The following CNTNAP2 variants were observed in gnomAD, a reference collection of about 807,000 sequenced individuals.
CNTNAP2 encodes contactin associated protein 2.
In CNTNAP2, 98 loss-of-function variants were observed where a neutral mutation model predicts 155.2. The observed-to-expected ratio is 0.63, with a 90% CI of 0.54 to 0.75. The LOEUF (loss-of-function observed/expected upper bound fraction) is 0.75, where lower values mean the gene tolerates loss of function less well. Ranked by LOEUF, CNTNAP2 falls within the 30% of genes least tolerant of loss-of-function variation. The probability of loss-of-function intolerance (pLI) is 0.00; values close to 1 mark genes in which losing one functional copy is unlikely to be tolerated. For missense variants in CNTNAP2, 1,727 were observed against 1,688.1 expected (o/e 1.02, Z -0.40); for synonymous variants, 651 against 631.2 (o/e 1.03, Z -0.47).
intron 13 of CNTNAP2, among the ~76,000 whole-genome samples, chr7:147,813,713 A>T (rs372970351): frequency 2.7e-4 from 41 of 152,310 alleles, no homozygotes; most frequent in African/African-American, 9.6e-4. Context: ...GAACAGATGA[A>T]ATTAAAATAT....
At chr7:146,605,778 T>A (rs1278924335) in intron 1 of CNTNAP2, among the ~76,000 whole-genome samples, 2 of 152,184 alleles carry the variant, frequency 1.3e-5, no homozygotes, top group African/African-American at 4.8e-5. Flanking sequence ...ATACGACTGA[T>A]ATGATTCATC....
At chr7:147,204,212 T>G (rs563780534) in intron 8 of CNTNAP2, among the ~76,000 whole-genome samples, 2 of 151,884 alleles carry the variant, frequency 1.3e-5, no homozygotes. Flanking sequence ...AAAAAATATA[T>G]GCATATAGAA....
chr7:147,961,563 C>T (rs929387322), intron 14 of CNTNAP2, among the ~76,000 whole-genome samples: 3 of 152,170 alleles, frequency 2.0e-5, no homozygotes, highest in Admixed American at 1.3e-4. Flanking sequence ...CAGTTTTCTA[C>T]AGTTTTCCAA....
intron 21 of CNTNAP2, among the ~76,000 whole-genome samples, chr7:148,313,361 T>G (rs933519105): frequency 7.9e-5 from 12 of 151,626 alleles, no homozygotes; most frequent in African/African-American, 2.9e-4. Flanking sequence ...TCAGAGAGCC[T>G]TAGGCCAGAG....
intron 1 of CNTNAP2, among the ~76,000 whole-genome samples, chr7:146,666,952 G>T (rs1563179929): frequency 6.6e-6 from 1 of 152,086 alleles, no homozygotes; most frequent in South Asian, 2.1e-4. Context: ...CAGTCTGATT[G>T]TTTCTTTTGC....
chr7:147,901,017 A>G (rs542359668), intron 13 of CNTNAP2, among the ~76,000 whole-genome samples: 69 of 152,174 alleles, frequency 4.5e-4, no homozygotes, highest in African/African-American at 1.5e-3. Context: ...CCTGTGCCCT[A>G]CCTTCATGGA....
intron 1 of CNTNAP2, among the ~76,000 whole-genome samples, chr7:146,300,817 G>T (rs1289837196): frequency 1.3e-5 from 2 of 152,048 alleles, no homozygotes; most frequent in African/African-American, 2.4e-5. Flanking sequence ...TTCTACAATG[G>T]GTTTGCTGTA....
At chr7:146,623,691 A>T (rs560135058) in intron 1 of CNTNAP2, among the ~76,000 whole-genome samples, 1 of 152,276 alleles carries the variant, frequency 6.6e-6, no homozygotes, top group South Asian at 2.1e-4. Flanking sequence ...CAAATTACAA[A>T]TGAAGCTGTT....
At chr7:147,854,323 C>T (rs975862675) in intron 13 of CNTNAP2, among the ~76,000 whole-genome samples, 1 of 152,078 alleles carries the variant, frequency 6.6e-6, no homozygotes, top group Non-Finnish European at 1.5e-5. Context: ...TATTTTTTAA[C>T]TTCATAAGGA....
At chr7:148,106,523 TA>T (rs1288276108) in intron 15 of CNTNAP2, among the ~76,000 whole-genome samples, 5 of 146,956 alleles carry the variant, frequency 3.4e-5, no homozygotes, top group East Asian at 2.0e-4. Context: ...TATATATACA[TA>T]TTTTTTTTTC....
intron 1 of CNTNAP2, among the ~76,000 whole-genome samples, chr7:146,728,422 T>C (rs1349043765): frequency 2.0e-5 from 3 of 152,140 alleles, no homozygotes; most frequent in Non-Finnish European, 1.5e-5. Flanking sequence ...GCCAGTTTTG[T>C]CATTGGCACT....
At chr7:147,133,298 A>G (rs368420945) in intron 8 of CNTNAP2, among the ~76,000 whole-genome samples, 5 of 152,130 alleles carry the variant, frequency 3.3e-5, no homozygotes, top group African/African-American at 1.2e-4. Context: ...TAGTCTTTGC[A>G]ATAGTCATAC....
intron 8 of CNTNAP2, among the ~76,000 whole-genome samples, chr7:147,224,772 C>T (rs1042307101): frequency 7.2e-5 from 11 of 152,052 alleles, no homozygotes; most frequent in African/African-American, 2.4e-4. Flanking sequence ...TGTTTCCCCC[C>T]TCTCTATATA....
At chr7:148,320,335 T>C (rs993537688) in intron 21 of CNTNAP2, among the ~76,000 whole-genome samples, 1 of 151,552 alleles carries the variant, frequency 6.6e-6, no homozygotes, top group Non-Finnish European at 1.5e-5. Context: ...TAGTGGTAGA[T>C]CCAGGGTGGA....
chr7:147,157,328 AT>A (rs1412290557), intron 8 of CNTNAP2, among the ~76,000 whole-genome samples: 1 of 152,104 alleles, frequency 6.6e-6, no homozygotes, highest in Non-Finnish European at 1.5e-5. Context: ...CTGAGATCCA[AT>A]TTTGATGTGA....
chr7:148,020,929 G>A (rs935232462), intron 15 of CNTNAP2, among the ~76,000 whole-genome samples: 3 of 152,172 alleles, frequency 2.0e-5, no homozygotes, highest in Middle Eastern at 3.2e-3. Flanking sequence ...CAGAACAGGC[G>A]CCACCTGCCA....
chr7:147,496,194 G>A (rs112467323), intron 11 of CNTNAP2, among the ~76,000 whole-genome samples: 1 of 151,896 alleles, frequency 6.6e-6, no homozygotes, highest in Admixed American at 6.6e-5. Flanking sequence ...CAAAATAAAT[G>A]TATGTACTTG....
intron 9 of CNTNAP2, among the ~76,000 whole-genome samples, chr7:147,313,743 C>T (rs555585312): frequency 1.2e-4 from 18 of 152,092 alleles, no homozygotes; most frequent in Non-Finnish European, 2.2e-4. Context: ...CTTGGCGATG[C>T]GGGCTCTTTT....
intron 4 of CNTNAP2, among the ~76,000 whole-genome samples, chr7:147,051,358 C>A (rs1584806215): frequency 2.0e-5 from 3 of 151,700 alleles, no homozygotes; most frequent in East Asian, 1.9e-4. Context: ...TTTATAATTT[C>A]TTCAATTTAT....
Sources: gnomAD v4.1 joint callset for allele counts (sites outside exome capture counted in the v4.1 genomes callset) on GRCh38, gnomAD v4.1.1 for gene constraint, MANE v1.5 for transcripts, NCBI Gene and HGNC (gene_info 2026-07-23, HGNC 2026-07-21) for gene names.